Variants in PDE1A observed in about 807,000 individuals in gnomAD.
PDE1A encodes the protein phosphodiesterase 1A.
A neutral mutation model predicts 61.7 loss-of-function variants in PDE1A; 35 were observed. That is an observed-to-expected ratio of 0.57 (90% CI 0.43 to 0.75). The LOEUF (loss-of-function observed/expected upper bound fraction) is 0.75, where lower values mean the gene tolerates loss of function less well. PDE1A is among the 30% of genes least tolerant of loss of function. The probability of loss-of-function intolerance (pLI) is 0.00; values close to 1 mark genes in which losing one functional copy is unlikely to be tolerated. For missense variants in PDE1A, 597 were observed against 630.6 expected (o/e 0.95, Z 0.57); for synonymous variants, 232 against 213.2 (o/e 1.09, Z -0.77).
chr2:182,143,400 CACTT>C (rs1302238933), downstream of PDE1A, among the ~76,000 whole-genome samples: 1 of 152,096 alleles, frequency 6.6e-6, no homozygotes, highest in Non-Finnish European at 1.5e-5. Context: ...TGAAGGTCAT[CACTT>C]AGTCATACAC....
At chr2:182,497,354 C>G (rs577629787) in intron 2 of PDE1A, among the ~76,000 whole-genome samples, 7 of 152,246 alleles carry the variant, frequency 4.6e-5, no homozygotes, top group Non-Finnish European at 7.4e-5. Context: ...TGAAAAGATG[C>G]AGGAATTGAA....
At chr2:182,684,664 C>T in the PDE1A span, among the ~76,000 whole-genome samples, 1 of 152,120 alleles carries the variant, frequency 6.6e-6, no homozygotes, top group Admixed American at 6.5e-5. Context: ...GATTCTCTTG[C>T]CTCAGCCTCC....
the PDE1A span, among the ~76,000 whole-genome samples, chr2:182,567,709 C>T: frequency 6.6e-6 from 1 of 151,602 alleles, no homozygotes. Flanking sequence ...GAAATAAAAT[C>T]TAATTTCCCT....
upstream of PDE1A, among the ~76,000 whole-genome samples, chr2:182,523,988 T>C (rs927263276): frequency 2.6e-5 from 4 of 152,172 alleles, no homozygotes; most frequent in Non-Finnish European, 4.4e-5. Flanking sequence ...GAGGCTTCCA[T>C]TTTCCTTTCT....
the PDE1A span, among the ~76,000 whole-genome samples, chr2:182,706,250 C>A: frequency 6.6e-6 from 1 of 152,152 alleles, no homozygotes; most frequent in Non-Finnish European, 1.5e-5. Context: ...ACAGAGAATG[C>A]TTGTCCTAAT....
At chr2:182,291,022 A>G (rs1169468164) in intron 1 of PDE1A, among the ~76,000 whole-genome samples, 1 of 152,076 alleles carries the variant, frequency 6.6e-6, no homozygotes, top group Non-Finnish European at 1.5e-5. Context: ...ACAGTTATAC[A>G]TTAAATGCCA....
chr2:182,209,955 A>T (rs1687444798), intron 7 of PDE1A, among the ~76,000 whole-genome samples: 1 of 152,158 alleles, frequency 6.6e-6, no homozygotes, highest in Admixed American at 6.5e-5. Flanking sequence ...TGTTTCCTTC[A>T]TGTCTTTTCA....
intron 2 of PDE1A, among the ~76,000 whole-genome samples, chr2:182,495,908 C>T (rs1252321684): frequency 6.6e-6 from 1 of 152,188 alleles, no homozygotes; most frequent in Non-Finnish European, 1.5e-5. Context: ...TCTGGAGTGT[C>T]AATGCACTGT....
downstream of PDE1A, among the ~76,000 whole-genome samples, chr2:182,164,466 G>T (rs1559126588): frequency 6.6e-6 from 1 of 152,122 alleles, no homozygotes; most frequent in Non-Finnish European, 1.5e-5. Context: ...AAAAATATTT[G>T]TGTTCCATAT....
chr2:182,428,173 C>T (rs1703732030), upstream of PDE1A, among the ~76,000 whole-genome samples: 2 of 152,106 alleles, frequency 1.3e-5, no homozygotes, highest in African/African-American at 4.8e-5. Flanking sequence ...GGGTTCTAGT[C>T]CTAGTTCTAT....
intron 1 of PDE1A, among the ~76,000 whole-genome samples, chr2:182,324,270 C>T (rs833179): frequency 0.64 from 96,885 of 151,552 alleles, 32,562 homozygotes; most frequent in Middle Eastern, 0.76. Context: ...TCTATTCAAC[C>T]ATAATTCCCT....
chr2:182,245,604 T>C (rs1035345377), intron 2 of PDE1A, among the ~76,000 whole-genome samples: 3 of 152,206 alleles, frequency 2.0e-5, no homozygotes, highest in African/African-American at 7.2e-5. Context: ...TAGTATCATA[T>C]AGTAAAAGGC....
At chr2:182,559,466 A>ATTACAAATTGTAAATTAAAAT in the PDE1A span, among the ~76,000 whole-genome samples, 3 of 152,198 alleles carry the variant, frequency 2.0e-5, no homozygotes, top group South Asian at 4.1e-4. Flanking sequence ...AAAATTACAA[A>ATTACAAATTGTAAATTAAAAT]TAGTGACAAC....
the PDE1A span, among the ~76,000 whole-genome samples, chr2:182,565,834 T>C: frequency 6.6e-6 from 1 of 152,198 alleles, no homozygotes; most frequent in Non-Finnish European, 1.5e-5. Context: ...CCCTTAGTTT[T>C]TTTCCCAGGT....
At chr2:182,380,431 C>T (rs545224218) in intron 1 of PDE1A, among the ~76,000 whole-genome samples, 1 of 152,120 alleles carries the variant, frequency 6.6e-6, no homozygotes, top group Non-Finnish European at 1.5e-5. Context: ...CTTTAACTTT[C>T]CTAGCTTTCT....
chr2:182,658,059 AAAAAAAAAAAAAAC>A, the PDE1A span, among the ~76,000 whole-genome samples: 7 of 109,874 alleles, frequency 6.4e-5, no homozygotes, highest in South Asian at 3.4e-4. Flanking sequence ...AAAAAAAAAA[AAAAAAAAAAAAAAC>A]AAAAAAACTT....
chr2:182,566,420 A>G, the PDE1A span, among the ~76,000 whole-genome samples: 1 of 151,982 alleles, frequency 6.6e-6, no homozygotes, highest in Non-Finnish European at 1.5e-5. Context: ...AAGAAAGAAG[A>G]CAGGAAATAA....
intron 6 of PDE1A, 84 bp from the exon 7 acceptor site, chr2:182,224,048 T>C: frequency 1.3e-6 from 1 of 796,072 alleles, no homozygotes; most frequent in Non-Finnish European, 2.1e-6. Context: ...CAGTGCACCC[T>C]GTTTATGTAA....
chr2:182,156,710 T>G (rs1355437970), intron 13 of PDE1A, among the ~76,000 whole-genome samples: 1 of 152,186 alleles, frequency 6.6e-6, no homozygotes, highest in African/African-American at 2.4e-5. Context: ...ACTACTATTC[T>G]CTGTGATAAA....
Sources: allele counts gnomAD v4.1 joint callset (sites outside exome capture counted in the v4.1 genomes callset), GRCh38; gene constraint gnomAD v4.1.1; transcripts MANE v1.5; gene names NCBI Gene and HGNC (gene_info 2026-07-23, HGNC 2026-07-21).